The following MTCH2 variants were observed in gnomAD, a reference collection of about 807,000 sequenced individuals.
MTCH2 encodes the protein mitochondrial carrier 2, also known as mitochondrial carrier homolog 2.
MTCH2 carries 25 observed loss-of-function variants against 50.6 expected under a neutral mutation model. The ratio of observed to expected loss-of-function variants is 0.49; its 90% CI spans 0.36 to 0.69. The LOEUF (loss-of-function observed/expected upper bound fraction) is 0.69. MTCH2 is among the 30% of genes least tolerant of loss of function. The probability of loss-of-function intolerance (pLI) is 0.00; values close to 1 mark genes in which losing one functional copy is unlikely to be tolerated. For missense variants in MTCH2, 273 were observed against 384.4 expected, an observed-to-expected ratio of 0.71 and a Z score of 2.42; for synonymous variants, 106 against 132.0, an observed-to-expected ratio of 0.80 and a Z score of 1.35.
intron 11 of MTCH2, among the ~76,000 whole-genome samples, chr11:47,623,721 T>A (rs1035084389): frequency 6.6e-6 from 1 of 152,174 alleles, no homozygotes; most frequent in East Asian, 1.9e-4. Context: ...TTTAATGATA[T>A]GTCAGGTACC....
intron 3 of MTCH2, among the ~76,000 whole-genome samples, chr11:47,637,009 G>A (rs2097309341): frequency 6.7e-6 from 1 of 148,568 alleles, no homozygotes; most frequent in Non-Finnish European, 1.5e-5. Context: ...CCCAGCTGGA[G>A]TGCAATGGTG....
the MTCH2 span, among the ~76,000 whole-genome samples, chr11:47,609,609 AGAGC>A: frequency 7.0e-6 from 1 of 143,210 alleles, no homozygotes; most frequent in Admixed American, 7.1e-5. Context: ...CCTGGGTGAC[AGAGC>A]GAGACTCTGT....
At chr11:47,639,111 CA>C in intron 1 of MTCH2, 60 bp from the exon 2 acceptor site, 1 of 1,441,150 alleles carries the variant, frequency 6.9e-7, no homozygotes, top group Non-Finnish European at 9.6e-7. Flanking sequence ...GTCTTGCTTG[CA>C]AGGTCTTGAA....
intron 11 of MTCH2, among the ~76,000 whole-genome samples, chr11:47,623,409 G>T (rs1286505889): frequency 2.7e-5 from 4 of 149,808 alleles, no homozygotes; most frequent in South Asian, 4.2e-4. Flanking sequence ...AGCAGGGAAA[G>T]GAGATTTAAA....
chr11:47,642,298 G>T, intron 1 of MTCH2, 81 bp downstream of exon 1: 1 of 1,256,364 alleles, frequency 8.0e-7, no homozygotes, highest in Non-Finnish European at 1.1e-6. Flanking sequence ...GGCCCGCAAG[G>T]CTGAGCCGAT....
At chr11:47,640,617 T>C (rs530865423) in intron 1 of MTCH2, among the ~76,000 whole-genome samples, 10 of 152,032 alleles carry the variant, frequency 6.6e-5, no homozygotes, top group African/African-American at 2.2e-4. Context: ...GGTTTTGCCA[T>C]GTTGGCCAGG....
At chr11:47,612,178 C>T in the MTCH2 span, among the ~76,000 whole-genome samples, 3 of 152,270 alleles carry the variant, frequency 2.0e-5, no homozygotes, top group African/African-American at 7.2e-5. Flanking sequence ...CTCTGGGAGG[C>T]CTAGGTAGGC....
At chr11:47,609,097 T>C in the MTCH2 span, among the ~76,000 whole-genome samples, 132,240 of 133,868 alleles carry the variant, frequency 0.99, 65,331 homozygotes, top group Middle Eastern at 1. Context: ...GCACTCCAGC[T>C]GGGGTAACAA....
chr11:47,626,996 G>C, intron 10 of MTCH2, 84 bp downstream of exon 10: 1 of 1,032,310 alleles, frequency 9.7e-7, no homozygotes, highest in Non-Finnish European at 1.4e-6. Flanking sequence ...TCTTAAAGCA[G>C]TGATGACACA....
chr11:47,627,206 C>T (rs1290331904), intron 9 of MTCH2, 79 bp from the exon 10 acceptor site: 7 of 1,173,508 alleles, frequency 6.0e-6, no homozygotes, highest in Non-Finnish European at 8.4e-6. Flanking sequence ...CTTTTCTTTT[C>T]TTTTCTTTTT....
At chr11:47,605,034 C>T in the MTCH2 span, among the ~76,000 whole-genome samples, 3,087 of 152,140 alleles carry the variant, frequency 0.02, 50 homozygotes, top group South Asian at 0.057. Context: ...AGGTTCACGC[C>T]ATTCTCCTGC....
downstream of MTCH2, among the ~76,000 whole-genome samples, chr11:47,614,741 C>G (rs1422304901): frequency 1.3e-5 from 2 of 152,162 alleles, no homozygotes; most frequent in African/African-American, 4.8e-5. Flanking sequence ...GCCTCCATAC[C>G]TAATTTTTGT....
At chr11:47,616,131 C>T (rs527973177), downstream of MTCH2, among the ~76,000 whole-genome samples, 69 of 151,538 alleles carry the variant, frequency 4.6e-4, no homozygotes, top group Admixed American at 2.0e-3. Flanking sequence ...GCTAATTTTC[C>T]TCCCTTTATT....
chr11:47,635,251 T>G (rs939604178), intron 4 of MTCH2, among the ~76,000 whole-genome samples: 17 of 152,104 alleles, frequency 1.1e-4, no homozygotes, highest in African/African-American at 3.9e-4. Flanking sequence ...CGCTAATCTT[T>G]GATTTTCTGT....
chr11:47,640,147 G>A (rs1168909166), intron 1 of MTCH2, among the ~76,000 whole-genome samples: 1 of 151,994 alleles, frequency 6.6e-6, no homozygotes, highest in Non-Finnish European at 1.5e-5. Flanking sequence ...TGGCCAACAT[G>A]GTGAAACCCT....
intron 10 of MTCH2, among the ~76,000 whole-genome samples, chr11:47,626,331 CT>C (rs572241881): frequency 0.012 from 1,560 of 135,418 alleles, 5 homozygotes; most frequent in Middle Eastern, 0.015. Flanking sequence ...CCTGCCCCAG[CT>C]TTTTTTTTTT....
At chr11:47,623,099 G>A (rs931629054) in intron 11 of MTCH2, among the ~76,000 whole-genome samples, 23 of 151,274 alleles carry the variant, frequency 1.5e-4, no homozygotes, top group African/African-American at 4.9e-4. Context: ...GGCCGGGCAC[G>A]GTGGCTCACA....
chr11:47,626,968 C>T, intron 10 of MTCH2, 112 bp downstream of exon 10: 1 of 790,374 alleles, frequency 1.3e-6, no homozygotes, highest in Non-Finnish European at 2.0e-6. Context: ...GGAGATGTCC[C>T]AGTGAGACAT....
chr11:47,640,567 C>CA (rs1177262169), intron 1 of MTCH2, among the ~76,000 whole-genome samples: 1 of 152,028 alleles, frequency 6.6e-6, no homozygotes, highest in East Asian at 1.9e-4. Flanking sequence ...AGGCACCCAC[C>CA]ACCACACCCA....
Sources: gnomAD v4.1 joint callset for allele counts (sites outside exome capture counted in the v4.1 genomes callset) on GRCh38, gnomAD v4.1.1 for gene constraint, MANE v1.5 for transcripts, NCBI Gene and HGNC (gene_info 2026-07-23, HGNC 2026-07-21) for gene names.